Variants in EHD3 observed in about 807,000 individuals in gnomAD.
EHD3 encodes EH domain-containing protein 3.
A neutral mutation model predicts 43.0 loss-of-function variants in EHD3; 17 were observed. The observed-to-expected ratio is 0.40, with a 90% CI of 0.27 to 0.59. EHD3 has a LOEUF of 0.59. Ranked by LOEUF, EHD3 falls within the 20% of genes least tolerant of loss-of-function variation. The probability of loss-of-function intolerance (pLI) is 0.49; values close to 1 mark genes in which losing one functional copy is unlikely to be tolerated. For synonymous variants in EHD3, 313 were observed against 289.5 expected, an observed-to-expected ratio of 1.08 and a Z score of -0.82; for missense variants, 594 against 705.6, an observed-to-expected ratio of 0.84 and a Z score of 1.79.
chr2:31,253,702 G>T (rs1327537149), intron 3 of EHD3, among the ~76,000 whole-genome samples: 3 of 152,164 alleles, frequency 2.0e-5, no homozygotes, highest in Admixed American at 2.0e-4. Flanking sequence ...CTTGCTCAGG[G>T]TGTGGACCCT....
rs1572468226 is a variant in EHD3, at chr2:31,253,274, A to ACT, written c.502+3807_502+3808insTC. Among the ~76,000 whole-genome samples the ACT allele has an allele frequency of 6.0e-5, 9 of 150,684 alleles. No individual in the cohort carries two copies. In the South Asian group the frequency reaches 1.9e-3, roughly 32 times the overall value. On this transcript the variant is annotated intron_variant, in intron 3 of 5. Coordinates refer to ENST00000322054, the MANE Select transcript of EHD3 (RefSeq NM_014600.3). ...CACACACACACACACACACACACAC[A>ACT]CACACAAATGTGTGCATAGAACAAA... is the stretch of plus-strand genomic sequence containing the variant.
rs772720205 is a variant in EHD3, at chr2:31,261,599, C to T, written c.966C>T (p.Phe322=). ...SSLKKEMPSV[F]GKDNKKKELV... ...TGAAGAAGGAGATGCCCTCGGTGTTCGGGAAGGACAACAAGAAGAAGGAGC... is the reference window on the plus strand; with the variant it reads ...TGAAGAAGGAGATGCCCTCGGTGTTTGGGAAGGACAACAAGAAGAAGGAGC... Residue 322 remains phenylalanine, a synonymous_variant, in exon 5 of 6, where the codon TTC becomes TTT. Coordinates refer to ENST00000322054, the MANE Select transcript of EHD3 (RefSeq NM_014600.3). 6 of 1,614,048 alleles carry T rather than the reference C, an allele frequency of 3.7e-6. No individual in the cohort carries two copies. The highest frequency in any genetic ancestry group is 2.7e-5 in the African/African-American group (2 of 74,902).
chr2:31,249,216 C>G (rs1422970218), intron 2 of EHD3, among the ~76,000 whole-genome samples, 155 bp from the exon 3 acceptor site: 1 of 152,200 alleles, frequency 6.6e-6, no homozygotes, highest in African/African-American at 2.4e-5. Context: ...GGTCAGCTGT[C>G]AGCCACACCC....
Position 31,266,405 on chromosome 2 carries a change from G to T in EHD3, c.1309G>T (p.Ala437Ser). The change falls in exon 6 of 6, where the codon GCT (alanine) becomes TCT (serine). Residue 437 changes from alanine (A) to serine (S), a missense_variant. Physicochemically the swap from Ala to Ser is moderately conservative, Grantham distance 99. Coordinates refer to ENST00000322054, the MANE Select transcript of EHD3 (RefSeq NM_014600.3). This position sits in a 1 kb window ranked among gnomAD's most constrained non-coding sequence, Gnocchi z 5.1. The stretch of plus-strand genomic sequence containing the variant: ...GGGGGCTGGAGAAGGTATCGATGAT[G>T]CTGAGTGGGTGGTGGCCAGGGACAA... ...GEGAGEGIDD[A>S]EWVVARDKPM... 6.2e-7 allele frequency: 1 copy of T among 1,614,088 alleles called. No individual in the cohort carries two copies. The highest frequency in any genetic ancestry group is 8.5e-7 in the Non-Finnish European group (1 of 1,179,944).
chr2:31,235,585 G>T (rs1683308994), intron 1 of EHD3, among the ~76,000 whole-genome samples: 1 of 152,234 alleles, frequency 6.6e-6, no homozygotes, highest in Admixed American at 6.5e-5. Flanking sequence ...GCGCAGAGAA[G>T]TTAAATGAAT....
intron 3 of EHD3, among the ~76,000 whole-genome samples, chr2:31,258,909 G>A (rs200081162): frequency 1.4e-5 from 1 of 71,800 alleles, no homozygotes; most frequent in Non-Finnish European, 2.7e-5. Flanking sequence ...AGAAGCCCTG[G>A]GGGGATTCTG....
At chr2:31,242,481 T>A in intron 1 of EHD3, among the ~76,000 whole-genome samples, 1 of 152,320 alleles carries the variant, frequency 6.6e-6, no homozygotes, top group East Asian at 1.9e-4. Context: ...TACTATTACA[T>A]TCGTAATGAA....
chr2:31,244,965 G>A (rs1683491262), intron 2 of EHD3, among the ~76,000 whole-genome samples: 1 of 152,160 alleles, frequency 6.6e-6, no homozygotes. Context: ...GACAAGTTCA[G>A]CCTTGCAGAT....
chr2:31,236,840 C>T (rs531805426), intron 1 of EHD3, among the ~76,000 whole-genome samples: 3 of 152,266 alleles, frequency 2.0e-5, no homozygotes, highest in African/African-American at 7.2e-5. Context: ...CCCCAAGCAG[C>T]AGACAGGTTT....
At position 31,249,303 on chromosome 2, in the gene EHD3, G is replaced by T. The variant is rs1309418543; in HGVS notation, c.405-68G>T. ...TCACCTGAGAGAGACAAGACAGGTG[G>T]TTGGAGTCATGCGGCTAGGTCATGA... On this transcript the variant is annotated intron_variant, in intron 2 of 5. Transcript: ENST00000322054. 2.8e-6 allele frequency: 4 copies of T among 1,407,016 alleles called. No individual in the cohort carries two copies. The East Asian group carries it at 9.3e-5, about 33-fold the overall frequency. The allele number at this position is 1,407,016 out of a possible 1,614,324, so 87.2% of individuals were successfully genotyped here.
chr2:31,237,993 T>G lies in EHD3; in HGVS notation c.227+3145T>G, dbSNP rs186988592. Among the ~76,000 whole-genome samples the G allele has an allele frequency of 4.4e-3, 676 of 152,048 alleles. 5 individuals are homozygous for G. The highest frequency in any genetic ancestry group is 0.016 in the African/African-American group (650 of 41,350). On this transcript the variant is annotated intron_variant, in intron 1 of 5. Coordinates refer to ENST00000322054, the MANE Select transcript of EHD3 (RefSeq NM_014600.3). ...TTTTTCCTATATTGTGTGTGTGTGTTTTTTTTGTTTGTTTTTGTTTTTGTT... is the reference window on the plus strand; with the variant it reads ...TTTTTCCTATATTGTGTGTGTGTGTGTTTTTTGTTTGTTTTTGTTTTTGTT...
At position 31,236,329 on chromosome 2, in the gene EHD3, C is replaced by T. The variant is rs1683323595; in HGVS notation, c.227+1481C>T. Among the ~76,000 whole-genome samples, 2 of 152,238 alleles carry T rather than the reference C, an allele frequency of 1.3e-5. 1 individual carries two copies. The highest frequency in any genetic ancestry group is 4.1e-4 in the South Asian group (2 of 4,834). On this transcript the variant is annotated intron_variant, in intron 1 of 5. Transcript: ENST00000322054. ...TCTTGTATGTTTTATATTGATAGAA[C>T]TGCAAGAGGCCTTAGAGATTAAACT...
intron 1 of EHD3, among the ~76,000 whole-genome samples, chr2:31,239,410 A>T (rs1298786507): frequency 6.6e-6 from 1 of 152,214 alleles, no homozygotes; most frequent in Non-Finnish European, 1.5e-5. Context: ...AGTGTTACAC[A>T]AGGAAGCAGA....
chr2:31,254,164 T>C (rs562081075), intron 3 of EHD3, among the ~76,000 whole-genome samples: 1 of 152,228 alleles, frequency 6.6e-6, no homozygotes, highest in East Asian at 1.9e-4. Context: ...GGTCTTCCTA[T>C]TCCTGGTCCA....
At chr2:31,235,055 C>G (rs531146093) in intron 1 of EHD3, among the ~76,000 whole-genome samples, 2 of 152,246 alleles carry the variant, frequency 1.3e-5, no homozygotes, top group African/African-American at 4.8e-5. Context: ...CCTGTCCACT[C>G]TACTTGGCCC....
chr2:31,242,578 A>G (rs1225275597), intron 1 of EHD3, among the ~76,000 whole-genome samples: 1 of 152,232 alleles, frequency 6.6e-6, no homozygotes, highest in Non-Finnish European at 1.5e-5. Flanking sequence ...TTTTGAATGT[A>G]GTCTCTTCTT....
At chr2:31,263,754 A>G (rs1347977191) in intron 5 of EHD3, among the ~76,000 whole-genome samples, 3 of 152,208 alleles carry the variant, frequency 2.0e-5, no homozygotes, top group African/African-American at 7.2e-5. Context: ...TTTCTGCAGC[A>G]GACTAGCTGT....
intron 3 of EHD3, among the ~76,000 whole-genome samples, chr2:31,259,170 G>A (rs1455223484): frequency 2.0e-5 from 3 of 152,152 alleles, no homozygotes; most frequent in Non-Finnish European, 2.9e-5. Context: ...CCAAGAAAGG[G>A]CTCCTACCTT....
Position 31,240,176 on chromosome 2 carries a change from A to G in EHD3, c.228-4098A>G, listed in dbSNP as rs1209123274. Among the ~76,000 whole-genome samples, 3 of 152,226 alleles carry G rather than the reference A, an allele frequency of 2.0e-5. No individual in the cohort carries two copies. In the East Asian group the frequency reaches 5.8e-4, roughly 30 times the overall value. ...CGCTTGTGTCTGTGGGATGCGTTAC[A>G]GACTCCCTCAAACCCCATGAGGCCG... On this transcript the variant is annotated intron_variant, in intron 1 of 5. Transcript: ENST00000322054.
Sources: allele counts gnomAD v4.1 joint callset (sites outside exome capture counted in the v4.1 genomes callset), GRCh38; gene constraint gnomAD v4.1.1; non-coding constraint Gnocchi (gnomAD v3.1); transcripts MANE v1.5; gene names NCBI Gene and HGNC (gene_info 2026-07-23, HGNC 2026-07-21).